Variants in RECQL observed in about 807,000 individuals in gnomAD.
The protein encoded by RECQL is RecQ like helicase.
A neutral mutation model predicts 75.8 loss-of-function variants in RECQL; 73 were observed. The ratio of observed to expected loss-of-function variants is 0.96; its 90% CI spans 0.80 to 1.17. The LOEUF is 1.17. RECQL is among the 50% of genes most tolerant of loss of function. The pLI is 0.00. For synonymous variants in RECQL, 248 were observed against 254.4 expected, an observed-to-expected ratio of 0.97 and a Z score of 0.24; for missense variants, 699 against 772.1, an observed-to-expected ratio of 0.91 and a Z score of 1.12.
At position 21,473,725 on chromosome 12, in the gene RECQL, A is replaced by G. The variant is rs192639538; in HGVS notation, c.1356-83T>C. On this transcript the variant is annotated intron_variant, in intron 11 of 14. Transcript: ENST00000444129. ...TCTATTTCAGCTTACATAGTTATAT[A>G]CTGTATTAGCTTCCTATAACTGCCA... The G allele has an allele frequency of 1.2e-5, 14 of 1,130,196 alleles. No homozygotes were observed. The Admixed American group carries it at 2.3e-4, about 19-fold the overall frequency. 70.0% of individuals were successfully genotyped at this position (1,130,196 alleles called of 1,614,324 possible). A position where few individuals can be genotyped will look rare whatever the true frequency, so the allele number is the denominator to read the frequency against.
At chr12:21,493,232 AG>A (rs1439283875) in intron 2 of RECQL, among the ~76,000 whole-genome samples, 1 of 152,204 alleles carries the variant, frequency 6.6e-6, no homozygotes, top group Non-Finnish European at 1.5e-5. Context: ...CCACTGATAA[AG>A]GGAACATAAC....
chr12:21,471,174 A>G (rs1942949251), intron 13 of RECQL, 76 bp from the exon 14 acceptor site: 2 of 1,359,916 alleles, frequency 1.5e-6, no homozygotes, highest in Admixed American at 5.2e-5. Context: ...AGAAATAACT[A>G]TATGCGCAGT....
At position 21,471,410 on chromosome 12, in the gene RECQL, G is replaced by C. The variant is rs1942958001; in HGVS notation, c.1667+18C>G. ...CATAAAGACAACCTGAAAGAATAAT[G>C]AATGAGTTTGTACATACTTAAGATA... On this transcript the variant is annotated intron_variant, in intron 13 of 14. Coordinates refer to ENST00000444129, the MANE Select transcript of RECQL (RefSeq NM_002907.4). 6.3e-7 allele frequency: 1 copy of C among 1,580,174 alleles called. No individual in the cohort carries two copies.
chr12:21,492,704 A>G (rs577779419), intron 2 of RECQL, among the ~76,000 whole-genome samples: 2 of 152,268 alleles, frequency 1.3e-5, no homozygotes, highest in East Asian at 1.9e-4. Flanking sequence ...CACTCATGAT[A>G]TTAGGAAACT....
Position 21,477,053 on chromosome 12 carries a change from T to C in RECQL, c.868-61A>G, listed in dbSNP as rs917854. On this transcript the variant is annotated intron_variant, in intron 7 of 14. Transcript: ENST00000444129. ...TGAGTACCATCCAAGTGGCTGTCTA[T>C]GTACAACTTTCAGGATGCAGTTCTT... 1 allele frequency: 1,195,448 copies of C among 1,201,312 alleles called. 595,012 individuals are homozygous for C. Among genetic ancestry groups the C allele is most frequent in the East Asian group, 1 (40,377 of 40,378 alleles). 74.4% of individuals were successfully genotyped at this position (1,201,312 alleles called of 1,614,324 possible).
chr12:21,491,764 CT>C, intron 2 of RECQL, 48 bp from the exon 3 acceptor site: 1 of 1,497,218 alleles, frequency 6.7e-7, no homozygotes, highest in Non-Finnish European at 9.0e-7. Context: ...TAAATTACAA[CT>C]TTAGGTTTCC....
chr12:21,494,275 T>G (rs1943464574), intron 2 of RECQL, among the ~76,000 whole-genome samples: 2 of 152,162 alleles, frequency 1.3e-5, no homozygotes, highest in South Asian at 4.1e-4. Context: ...CACCTCCCAC[T>G]AGGCCCACCT....
chr12:21,488,936 T>C (rs1429608966), intron 4 of RECQL, among the ~76,000 whole-genome samples: 4 of 152,240 alleles, frequency 2.6e-5, no homozygotes, highest in African/African-American at 7.2e-5. Flanking sequence ...TACATCATAA[T>C]GTGAATGTTC....
chr12:21,474,968 T>C lies in RECQL; in HGVS notation c.1228A>G (p.Met410Val), dbSNP rs1943054129. 1.2e-6 allele frequency: 2 copies of C among 1,612,702 alleles called. No individual in the cohort carries two copies. Among genetic ancestry groups the C allele is most frequent in the East Asian group, 2.2e-5 (1 of 44,852 alleles). ...QESGRAGRDDMKADCILYYGF... is the reference protein window; with the variant it reads ...QESGRAGRDDVKADCILYYGF... ...TAGTACAAAATACAGTCTGCTTTCA[T>C]GTCATCTCGACCTGTGGTGTGAGAA... The change falls in exon 11 of 15, where the codon ATG becomes GTG. Residue 410 changes from methionine to valine, a missense_variant. This residue lies in a region of RECQL where 669 missense variants were observed against 713.5 expected (regional missense o/e 0.94). Coordinates refer to ENST00000444129, the MANE Select transcript of RECQL (RefSeq NM_002907.4).
intron 2 of RECQL, 76 bp downstream of exon 2, chr12:21,499,479 A>T: frequency 7.4e-7 from 1 of 1,350,248 alleles, no homozygotes. Context: ...CAGAATTTTT[A>T]AAACAAACTT....
At chr12:21,495,008 G>C (rs1442804354) in intron 2 of RECQL, among the ~76,000 whole-genome samples, 2 of 152,228 alleles carry the variant, frequency 1.3e-5, no homozygotes, top group Admixed American at 6.5e-5. Context: ...TGACCGACAA[G>C]ATCTTGGATT....
intron 9 of RECQL, 35 bp from the exon 10 acceptor site, chr12:21,475,620 T>A: frequency 6.2e-7 from 1 of 1,606,482 alleles, no homozygotes; most frequent in Non-Finnish European, 8.5e-7. Context: ...GTTAATTAAA[T>A]CAAGTTTAAA....
At chr12:21,485,035 C>T (rs1280986573) in intron 5 of RECQL, among the ~76,000 whole-genome samples, 2 of 151,620 alleles carry the variant, frequency 1.3e-5, no homozygotes, top group African/African-American at 4.8e-5. Context: ...TTTGCACCTC[C>T]CTAATGAAAT....
In RECQL at chr12:21,490,227, A is replaced by C. The variant is rs772760660; in HGVS notation, c.366T>G (p.Cys122Trp). 3 of 1,611,630 alleles carry C rather than the reference A, an allele frequency of 1.9e-6. No homozygotes were observed. The East Asian group carries it at 6.7e-5, about 36-fold the overall frequency. ...CTGAACATAATGCTGGTAACTGGTA[A>C]CATAAGCTCTTTCCACCTCCTGTAG... Reference protein sequence around the residue: ...VMPTGGGKSLCYQLPALCSDG... With the variant: ...VMPTGGGKSLWYQLPALCSDG... The change falls in exon 4 of 15, where the codon TGT (cysteine) becomes TGG (tryptophan). Residue 122 changes from cysteine to tryptophan, a missense_variant. Coordinates refer to ENST00000444129, the MANE Select transcript of RECQL (RefSeq NM_002907.4).
At chr12:21,487,309 G>A (rs1222058519) in intron 4 of RECQL, among the ~76,000 whole-genome samples, 2 of 152,148 alleles carry the variant, frequency 1.3e-5, no homozygotes, top group African/African-American at 2.4e-5. Flanking sequence ...TAATTATACA[G>A]TAGTGTGTAT....
At position 21,482,931 on chromosome 12, in the gene RECQL, G is replaced by A. The variant is rs1468661391; in HGVS notation, c.700+445C>T. On this transcript the variant is annotated intron_variant, in intron 6 of 14. Transcript: ENST00000444129. Reference sequence around the variant, plus strand: ...TTTCATGCTGAGGAGTTGTATGTGGGTGCTGAAAAGACCCTCAGAATGATG... The same window carrying A: ...TTTCATGCTGAGGAGTTGTATGTGGATGCTGAAAAGACCCTCAGAATGATG... Among the ~76,000 whole-genome samples the A allele has an allele frequency of 2.6e-5, 4 of 152,274 alleles. No homozygotes were observed. In the East Asian group the frequency reaches 5.8e-4, roughly 22 times the overall value.
chr12:21,500,299 G>A (rs1332031640), intron 1 of RECQL, among the ~76,000 whole-genome samples: 1 of 152,162 alleles, frequency 6.6e-6, no homozygotes, highest in Non-Finnish European at 1.5e-5. Flanking sequence ...ATCTATGAAT[G>A]ACTAAAACCT....
intron 12 of RECQL, 124 bp from the exon 13 acceptor site, chr12:21,471,771 T>C (rs1257197350): frequency 2.8e-6 from 2 of 707,678 alleles, no homozygotes; most frequent in Non-Finnish European, 4.8e-6. Flanking sequence ...AAACATTGAT[T>C]TTTAAATGTA....
chr12:21,471,476 T>G lies in RECQL; in HGVS notation c.1619A>C (p.Glu540Ala). Residue 540 changes from glutamate to alanine, a missense_variant, in exon 13 of 15, where the codon GAA becomes GCA. Coordinates refer to ENST00000444129, the MANE Select transcript of RECQL (RefSeq NM_002907.4). ...AGVVAPTLPR[E>A]DLEKIIAHFL... Reference sequence around the variant, plus strand: ...GTGTGCAATAATCTTCTCCAGATCTTCACGAGGAAGTGTGGGAGCCACAAC... The same window carrying G: ...GTGTGCAATAATCTTCTCCAGATCTGCACGAGGAAGTGTGGGAGCCACAAC... 6.2e-7 allele frequency: 1 copy of G among 1,613,160 alleles called. No individual in the cohort carries two copies. Among genetic ancestry groups the G allele is most frequent in the Non-Finnish European group, 8.5e-7 (1 of 1,179,420 alleles).
Sources: allele counts gnomAD v4.1 joint callset (sites outside exome capture counted in the v4.1 genomes callset), GRCh38; gene constraint gnomAD v4.1.1; regional missense constraint gnomAD v4.1.1; transcripts MANE v1.5; gene names NCBI Gene and HGNC (gene_info 2026-07-23, HGNC 2026-07-21).